Variants in RPTOR observed in about 807,000 individuals in gnomAD.
RPTOR encodes the protein regulatory-associated protein of mTOR.
RPTOR carries 21 observed loss-of-function variants against 169.9 expected under a neutral mutation model. The observed-to-expected ratio is 0.12, with a 90% confidence interval of 0.09 to 0.18. RPTOR has a LOEUF of 0.18. Ranked by LOEUF, RPTOR falls within the 10% of genes least tolerant of loss-of-function variation. The pLI is 1.00. For missense variants in RPTOR, 1,133 were observed against 1,855.9 expected, an observed-to-expected ratio of 0.61 and a Z score of 7.16; for synonymous variants, 732 against 753.2, an observed-to-expected ratio of 0.97 and a Z score of 0.46.
At chr17:80,712,465 C>T (rs1321108211) in intron 4 of RPTOR, among the ~76,000 whole-genome samples, 1 of 152,178 alleles carries the variant, frequency 6.6e-6, no homozygotes, top group South Asian at 2.1e-4. Context: ...GTAATATACG[C>T]TTAAGACTCC....
intron 1 of RPTOR, 29 bp from the exon 2 acceptor site, chr17:80,625,658 ATATT>A (rs767528929): frequency 9.6e-6 from 14 of 1,452,756 alleles, no homozygotes; most frequent in Non-Finnish European, 1.1e-5. Context: ...CCATATTGAA[ATATT>A]TATTTATTTT....
chr17:80,634,719 C>CCG (rs2065488124), intron 2 of RPTOR, among the ~76,000 whole-genome samples: 2 of 59,138 alleles, frequency 3.4e-5, no homozygotes, highest in Non-Finnish European at 6.9e-5. Context: ...TGTGTGCGTA[C>CCG]TGTGTGTGTG....
chr17:80,630,682 A>G (rs1347427318), intron 2 of RPTOR, among the ~76,000 whole-genome samples: 1 of 152,226 alleles, frequency 6.6e-6, no homozygotes, highest in East Asian at 1.9e-4. Context: ...GTTTGATTGA[A>G]TTGCTGAGTG....
Position 80,788,534 on chromosome 17 carries a change from A to T in RPTOR, c.831-2916A>T, listed in dbSNP as rs568033278. On this transcript the variant is annotated intron_variant, in intron 6 of 33. Transcript: ENST00000306801. ...GTGTTAATCTGATAAAAATAAAAAC[A>T]CCGCTCCACTGTCTTCCTGCATCCT... 2.6e-5 allele frequency among the ~76,000 whole-genome samples: 4 copies of T among 152,218 alleles called. No individual in the cohort carries two copies. The East Asian group carries it at 7.7e-4, about 29-fold the overall frequency.
At chr17:80,602,690 A>C (rs2065199081) in intron 1 of RPTOR, 2 of 737,138 alleles carry the variant, frequency 2.7e-6, no homozygotes, top group Non-Finnish European at 5.0e-6. Context: ...GGTAGGGGAC[A>C]TTCCTTATTC....
chr17:80,816,303 C>T (rs967693182), intron 7 of RPTOR, among the ~76,000 whole-genome samples: 2 of 152,154 alleles, frequency 1.3e-5, no homozygotes, highest in Non-Finnish European at 2.9e-5. Flanking sequence ...TGGGAAGAGG[C>T]ATCTTTGGGA....
At position 80,959,809 on chromosome 17, in the gene RPTOR, G is replaced by C. The variant is rs747684577; in HGVS notation, c.3478-269G>C. On this transcript the variant is annotated intron_variant, in intron 29 of 33. Transcript: ENST00000306801. The surrounding 1 kb of genome is among the most constrained non-coding windows in gnomAD (Gnocchi z 6.7). ...GGCTGGCCTCTGCCTCACTGGCTGG[G>C]TCCCAGGCGCCTCAGGGCCTCAGGG... Among the ~76,000 whole-genome samples, 2 of 152,168 alleles carry C rather than the reference G, an allele frequency of 1.3e-5. No individual in the cohort carries two copies. Among genetic ancestry groups the C allele is most frequent in the Non-Finnish European group, 2.9e-5 (2 of 68,006 alleles).
intron 28 of RPTOR, among the ~76,000 whole-genome samples, chr17:80,956,223 A>G (rs931407711): frequency 5.1e-4 from 18 of 35,164 alleles, no homozygotes; most frequent in African/African-American, 3.8e-3. Context: ...CTTCTCTATG[A>G]AAAAAAAAAA....
chr17:80,938,170 G>A (rs756368334), intron 24 of RPTOR, among the ~76,000 whole-genome samples: 6 of 152,246 alleles, frequency 3.9e-5, no homozygotes, highest in Non-Finnish European at 7.3e-5. Context: ...GTCTCCGGGC[G>A]TCCTGTGCCC....
At chr17:80,948,528 C>T (rs1424663936) in intron 27 of RPTOR, 1 of 152,516 alleles carries the variant, frequency 6.6e-6, no homozygotes, top group Non-Finnish European at 1.5e-5. Flanking sequence ...AGTTCCTTGG[C>T]TGAGAGAGCG....
At chr17:80,824,466 T>C (rs919760294) in intron 9 of RPTOR, among the ~76,000 whole-genome samples, 5 of 152,338 alleles carry the variant, frequency 3.3e-5, no homozygotes, top group Non-Finnish European at 7.3e-5. Context: ...TTTTTAAAAA[T>C]AAATACTTAG....
rs370074809 is a variant in RPTOR, at chr17:80,964,341, C to T, written c.*11C>T. Reference sequence around the variant, plus strand: ...AAGCGTGTCAGATAGCGGCGTGACCCGGGCCCACCAGGCCACGGCCGCCTG... The same window carrying T: ...AAGCGTGTCAGATAGCGGCGTGACCTGGGCCCACCAGGCCACGGCCGCCTG... On this transcript the variant is annotated 3_prime_UTR_variant, in exon 34 of 34. Coordinates refer to ENST00000306801, the MANE Select transcript of RPTOR (RefSeq NM_020761.3). 38 of 1,605,082 alleles carry T rather than the reference C, an allele frequency of 2.4e-5. No individual in the cohort carries two copies. The highest frequency in any genetic ancestry group is 2.0e-4 in the East Asian group (9 of 44,868).
Position 80,891,808 on chromosome 17 carries a change from A to G in RPTOR, c.2072A>G (p.Asn691Ser). The change falls in exon 18 of 34, where the codon AAC (asparagine) becomes AGC (serine). Residue 691 changes from asparagine (N) to serine (S), a missense_variant. Transcript: ENST00000306801. ...VALQFIEEEK[N>S]YALPSPATTE... is the part of the protein sequence containing the mutation. Reference sequence around the variant, plus strand: ...CTGCAGTTCATAGAAGAGGAAAAGAACTACGCCTTGCCTTCTCCAGCAACC... The same window carrying G: ...CTGCAGTTCATAGAAGAGGAAAAGAGCTACGCCTTGCCTTCTCCAGCAACC... 6.2e-7 allele frequency: 1 copy of G among 1,613,810 alleles called. No individual in the cohort carries two copies. The highest frequency in any genetic ancestry group is 8.5e-7 in the Non-Finnish European group (1 of 1,179,812).
At chr17:80,692,489 T>G (rs967770571) in intron 3 of RPTOR, among the ~76,000 whole-genome samples, 1 of 151,864 alleles carries the variant, frequency 6.6e-6, no homozygotes, top group Admixed American at 6.6e-5. Context: ...GCCCAGCTAA[T>G]TTTGTATTTT....
In RPTOR at chr17:80,545,050, G is replaced by A. The variant is rs2084256619; in HGVS notation, c.-580G>A. 1 of 233,224 alleles carries A rather than the reference G, an allele frequency of 4.3e-6. No individual in the cohort carries two copies. Among genetic ancestry groups the A allele is most frequent in the Non-Finnish European group, 8.5e-6 (1 of 117,846 alleles). The allele number at this position is 233,224 out of a possible 1,614,324, so 14.4% of individuals were successfully genotyped here. A position where few individuals can be genotyped will look rare whatever the true frequency, so the allele number is the denominator to read the frequency against. On this transcript the variant is annotated 5_prime_UTR_variant, in exon 1 of 34. Coordinates refer to ENST00000306801, the MANE Select transcript of RPTOR (RefSeq NM_020761.3). ...AGCCAGGCCGCGCGGACCTGAGGTTGAGGAACCGGGTGCAGGCGAGCACGA... is the reference window on the plus strand; with the variant it reads ...AGCCAGGCCGCGCGGACCTGAGGTTAAGGAACCGGGTGCAGGCGAGCACGA...
At chr17:80,964,182 C>A in intron 33 of RPTOR, 80 bp from the exon 34 acceptor site, 1 of 1,141,098 alleles carries the variant, frequency 8.8e-7, no homozygotes, top group Non-Finnish European at 1.3e-6. Flanking sequence ...CCTAAGGATG[C>A]GGGTTGGCCT....
chr17:80,906,987 G>A (rs980632095), intron 20 of RPTOR, among the ~76,000 whole-genome samples: 13 of 152,174 alleles, frequency 8.5e-5, no homozygotes, highest in South Asian at 2.1e-4. Context: ...TCTTGGGCTC[G>A]CTTAGCGGAG....
intron 3 of RPTOR, among the ~76,000 whole-genome samples, chr17:80,698,073 G>A (rs1431391387): frequency 6.9e-6 from 1 of 144,006 alleles, no homozygotes; most frequent in Non-Finnish European, 1.5e-5. Flanking sequence ...CCAGACGGGT[G>A]GGTGCGGGGC....
intron 7 of RPTOR, chr17:80,805,623 A>G (rs1478101972): frequency 6.6e-6 from 1 of 152,204 alleles, no homozygotes; most frequent in Non-Finnish European, 1.5e-5. Flanking sequence ...AGTGCTTCAA[A>G]AATAAACATG....
Sources: gnomAD v4.1 joint callset for allele counts (sites outside exome capture counted in the v4.1 genomes callset) on GRCh38, gnomAD v4.1.1 for gene constraint, Gnocchi (gnomAD v3.1) non-coding constraint, MANE v1.5 for transcripts, NCBI Gene and HGNC (gene_info 2026-07-23, HGNC 2026-07-21) for gene names.